MCF2: variants seen among roughly 807,000 people sequenced by gnomAD.
The protein encoded by MCF2 is MCF.2 cell line derived transforming sequence, also known as proto-oncogene DBL.
In MCF2, 44 loss-of-function variants were observed where a neutral mutation model predicts 82.5. The ratio of observed to expected loss-of-function variants is 0.53; its 90% CI spans 0.42 to 0.69. MCF2 has a LOEUF of 0.69. Among genes scored for constraint, MCF2 ranks in the 30% least tolerant of loss-of-function variants. MCF2 has a pLI of 0.00. For synonymous variants in MCF2, 217 were observed against 224.9 expected, an observed-to-expected ratio of 0.96 and a Z score of 0.32; for missense variants, 623 against 663.1, an observed-to-expected ratio of 0.94 and a Z score of 0.66.
exon 19 of MCF2, chrX:139,596,689 T>C: frequency 8.3e-7 from 1 of 1,209,926 alleles, no homozygotes; most frequent in Non-Finnish European, 1.1e-6. Context: ...AAATCCTTCA[T>C]TTTTGTAGCA....
intron 21 of MCF2, 79 bp from the exon 26 acceptor site, chrX:139,587,867 T>TCACACACACACA: frequency 2.1e-6 from 1 of 470,277 alleles, no homozygotes; most frequent in Non-Finnish European, 3.7e-6. Flanking sequence ...TTTCTCTCTC[T>TCACACACACACA]CACACACACA....
intron 1 of MCF2, among the ~76,000 whole-genome samples, chrX:139,667,871 A>G (rs781569851): frequency 1.8e-5 from 2 of 112,009 alleles, no homozygotes; most frequent in Admixed American, 9.4e-5. Context: ...GTGGTAGCAT[A>G]CTGCTTGGGC....
At chrX:139,597,396 A>G in intron 18 of MCF2, 64 bp downstream of exon 22, 1 of 868,176 alleles carries the variant, frequency 1.2e-6, no homozygotes, top group Non-Finnish European at 1.7e-6. Context: ...TGGTTCCAGG[A>G]GGGGAAAAGG....
chrX:139,623,154 C>A (rs923459328), intron 6 of MCF2, among the ~76,000 whole-genome samples: 3 of 111,425 alleles, frequency 2.7e-5, no homozygotes, highest in Non-Finnish European at 5.7e-5. Context: ...TTAGTTCAGC[C>A]ACTGTGGAAG....
At chrX:139,695,465 A>G (rs1935363919) in intron 1 of MCF2, among the ~76,000 whole-genome samples, 2 of 112,203 alleles carry the variant, frequency 1.8e-5, no homozygotes, top group Admixed American at 9.5e-5. Flanking sequence ...ACTTATCTGC[A>G]TGCAAGATGA....
intron 1 of MCF2, among the ~76,000 whole-genome samples, chrX:139,640,830 T>C (rs934084685): frequency 1.8e-5 from 2 of 110,575 alleles, no homozygotes; most frequent in East Asian, 5.7e-4. Context: ...ACATATCACT[T>C]AATTCATTTA....
intron 16 of MCF2, among the ~76,000 whole-genome samples, chrX:139,600,896 A>G (rs761494372): frequency 8.0e-5 from 9 of 112,030 alleles, no homozygotes; most frequent in Non-Finnish European, 1.7e-4. Flanking sequence ...AGACAACAGA[A>G]GATGTGCAGG....
At position 139,642,531 on chromosome X, in the gene MCF2, C is replaced by A. The variant is rs1284789365; in HGVS notation, c.-13G>T. On this transcript the variant is annotated 5_prime_UTR_variant, in exon 1 of 25. Coordinates refer to ENST00000370576, the Ensembl canonical transcript of MCF2. The stretch of plus-strand genomic sequence containing the variant: ...TTGCTTCTGCCATTTCGCCTGTACG[C>A]AATTACACTTTTCTTTTCCAATTGT... The A allele has an allele frequency of 4.1e-6, 5 of 1,208,889 alleles. No homozygotes were observed. In the African/African-American group the frequency reaches 8.8e-5, roughly 21 times the overall value.
intron 19 of MCF2, among the ~76,000 whole-genome samples, chrX:139,594,919 C>T (rs1435540648): frequency 1.5e-4 from 17 of 111,185 alleles, no homozygotes; most frequent in African/African-American, 5.3e-4. Flanking sequence ...GGGCGAAGGA[C>T]ATGAACAGAC....
At chrX:139,613,400 C>T in intron 10 of MCF2, 137 bp from the exon 14 acceptor site, 1 of 443,658 alleles carries the variant, frequency 2.3e-6, no homozygotes, top group Non-Finnish European at 3.8e-6. Context: ...TTCCTCAACC[C>T]AAGGTGTACC....
At chrX:139,692,793 T>C (rs1935304550) in intron 1 of MCF2, among the ~76,000 whole-genome samples, 1 of 112,250 alleles carries the variant, frequency 8.9e-6, no homozygotes, top group Non-Finnish European at 1.9e-5. Context: ...ATACTAGCCC[T>C]GAATAGTCTG....
chrX:139,588,077 T>C (rs1929143295), intron 21 of MCF2, among the ~76,000 whole-genome samples: 1 of 111,390 alleles, frequency 9.0e-6, no homozygotes, highest in African/African-American at 3.3e-5. Flanking sequence ...TTAAGCAGAG[T>C]CACCTCATGG....
At chrX:139,663,991 T>G (rs1374439424) in intron 1 of MCF2, among the ~76,000 whole-genome samples, 2 of 111,117 alleles carry the variant, frequency 1.8e-5, no homozygotes, top group Non-Finnish European at 3.8e-5. Context: ...GGCTTTTTTT[T>G]GTTTGTGTTT....
At chrX:139,634,634 G>A (rs774739595) in intron 1 of MCF2, among the ~76,000 whole-genome samples, 12 of 111,703 alleles carry the variant, frequency 1.1e-4, no homozygotes, top group African/African-American at 3.9e-4. Flanking sequence ...CATAAATTGG[G>A]ATGGCTGTCC....
In MCF2 at chrX:139,585,050, C is replaced by A. The variant is rs1928826361; in HGVS notation, c.2745+16G>T. 1 of 1,067,399 alleles carries A rather than the reference C, an allele frequency of 9.4e-7. No homozygotes were observed. The highest frequency in any genetic ancestry group is 1.9e-5 in the African/African-American group (1 of 53,385). 88.0% of individuals were successfully genotyped at this position (1,067,399 alleles called of 1,213,427 possible). A position where few individuals can be genotyped will look rare whatever the true frequency, so the allele number is the denominator to read the frequency against. The stretch of plus-strand genomic sequence containing the variant: ...AAACTGCCTCAATAATTTTAATTTA[C>A]TATATTATTACTAACCATGAGGGGC... On this transcript the variant is annotated intron_variant, in intron 24 of 24. Coordinates refer to ENST00000370576, the Ensembl canonical transcript of MCF2.
chrX:139,700,583 C>T (rs947562608), intron 1 of MCF2, among the ~76,000 whole-genome samples: 6 of 111,962 alleles, frequency 5.4e-5, no homozygotes, highest in Non-Finnish European at 1.1e-4. Context: ...CACTGAAACC[C>T]AGAGGTCTAT....
At chrX:139,678,406 G>T (rs1771928227) in intron 1 of MCF2, among the ~76,000 whole-genome samples, 1 of 111,298 alleles carries the variant, frequency 9.0e-6, no homozygotes, top group African/African-American at 3.3e-5. Flanking sequence ...TAACCTATGG[G>T]TAGGATAGAC....
At chrX:139,617,850 CA>C (rs36071186) in intron 7 of MCF2, 146 bp from the exon 11 acceptor site, 1,142 of 240,403 alleles carry the variant, frequency 4.8e-3, no homozygotes, top group East Asian at 0.025. Flanking sequence ...CTTCAGGCTG[CA>C]AAAAAAAAAA....
chrX:139,659,362 A>C (rs1363578445), intron 1 of MCF2, among the ~76,000 whole-genome samples: 5 of 111,939 alleles, frequency 4.5e-5, no homozygotes, highest in Admixed American at 9.4e-5. Flanking sequence ...ATTTGAGTAC[A>C]TATCACCATT....
Sources: allele counts gnomAD v4.1 joint callset (sites outside exome capture counted in the v4.1 genomes callset), GRCh38; gene constraint gnomAD v4.1.1; transcripts MANE v1.5; gene names NCBI Gene and HGNC (gene_info 2026-07-23, HGNC 2026-07-21).